Variants in NPAS3 observed in about 807,000 individuals in gnomAD.
NPAS3 encodes the protein neuronal PAS domain-containing protein 3.
In NPAS3, 14 loss-of-function variants were observed where a neutral mutation model predicts 73.1. The observed-to-expected ratio is 0.19, with a 90% confidence interval of 0.13 to 0.30. NPAS3 has a LOEUF of 0.30. NPAS3 is among the 10% of genes least tolerant of loss of function. The probability of loss-of-function intolerance (pLI) is 1.00; values close to 1 mark genes in which losing one functional copy is unlikely to be tolerated. For synonymous variants in NPAS3, 620 were observed against 541.5 expected (o/e 1.14, Z -2.01); for missense variants, 1,096 against 1,250.0 (o/e 0.88, Z 1.86).
intron 3 of NPAS3, among the ~76,000 whole-genome samples, chr14:33,239,049 G>A (rs188114436): frequency 6.6e-6 from 1 of 152,040 alleles, no homozygotes; most frequent in Admixed American, 6.6e-5. Flanking sequence ...GGCTTCGAGT[G>A]AGCTAAAATG....
At chr14:32,959,250 T>G (rs2036808289) in intron 1 of NPAS3, among the ~76,000 whole-genome samples, 1 of 152,210 alleles carries the variant, frequency 6.6e-6, no homozygotes, top group Admixed American at 6.5e-5. Context: ...AAACCTTTGC[T>G]TTGCTTCTTT....
intron 6 of NPAS3, among the ~76,000 whole-genome samples, chr14:33,714,789 G>C (rs1164816097): frequency 6.6e-6 from 1 of 152,016 alleles, no homozygotes; most frequent in Non-Finnish European, 1.5e-5. Flanking sequence ...TCCCATAACT[G>C]GCAGTGATGT....
chr14:33,283,367 GA>G (rs1270494370), intron 3 of NPAS3, among the ~76,000 whole-genome samples: 7 of 152,194 alleles, frequency 4.6e-5, no homozygotes, highest in African/African-American at 1.7e-4. Flanking sequence ...GAATTTCTAT[GA>G]TATAGGCGTT....
In NPAS3 at chr14:32,966,583, A is replaced by T. The variant is rs530359956; in HGVS notation, c.50+27217A>T. 1.3e-3 allele frequency among the ~76,000 whole-genome samples: 173 copies of T among 135,860 alleles called. 16 individuals carry two copies. Among genetic ancestry groups the T allele is most frequent in the Non-Finnish European group, 2.1e-3 (127 of 61,410 alleles). 89.1% of individuals were successfully genotyped at this position (135,860 alleles called of 152,430 possible). On this transcript the variant is annotated intron_variant, in intron 1 of 11. Coordinates refer to ENST00000356141, the Ensembl canonical transcript of NPAS3. Reference sequence around the variant, plus strand: ...ATTAAAGACTTACACGTAAGAACCCAAATTATGAAACCCCGTCTCTACTAA... The same window carrying T: ...ATTAAAGACTTACACGTAAGAACCCTAATTATGAAACCCCGTCTCTACTAA...
chr14:33,026,340 C>A (rs149074071), intron 1 of NPAS3, among the ~76,000 whole-genome samples: 44 of 152,258 alleles, frequency 2.9e-4, no homozygotes, highest in Non-Finnish European at 5.6e-4. Flanking sequence ...GTATGTTAAT[C>A]AACTGTTCTT....
At chr14:33,119,843 A>G (rs1187307475) in intron 2 of NPAS3, among the ~76,000 whole-genome samples, 2 of 152,128 alleles carry the variant, frequency 1.3e-5, no homozygotes, top group Non-Finnish European at 2.9e-5. Flanking sequence ...GTTCTGCTCT[A>G]GTTAGAGGGT....
chr14:33,221,601 G>A (rs187291058), intron 3 of NPAS3, among the ~76,000 whole-genome samples: 1 of 152,230 alleles, frequency 6.6e-6, no homozygotes, highest in East Asian at 1.9e-4. Context: ...CCTAGAGGGA[G>A]AGCTTGTCTC....
chr14:33,477,887 T>C (rs545971446), intron 4 of NPAS3, among the ~76,000 whole-genome samples: 2 of 152,346 alleles, frequency 1.3e-5, no homozygotes, highest in South Asian at 4.1e-4. Context: ...CTGTGGTCAT[T>C]ATCTTGGAAA....
intron 4 of NPAS3, among the ~76,000 whole-genome samples, chr14:33,474,078 C>G (rs1314213692): frequency 6.6e-6 from 1 of 152,060 alleles, no homozygotes; most frequent in Non-Finnish European, 1.5e-5. Context: ...ATCCTGCACC[C>G]CATAGGGAAC....
chr14:33,566,226 T>TCC (rs78749999), intron 5 of NPAS3, among the ~76,000 whole-genome samples: 2,033 of 151,172 alleles, frequency 0.013, 54 homozygotes, highest in African/African-American at 0.044. Flanking sequence ...AATTGATTTT[T>TCC]CCCCCCCGAA....
At chr14:33,555,285 T>A (rs2055302558) in intron 4 of NPAS3, among the ~76,000 whole-genome samples, 1 of 152,224 alleles carries the variant, frequency 6.6e-6, no homozygotes, top group Admixed American at 6.5e-5. Flanking sequence ...TTATAATAAA[T>A]CTTCTTGAGG....
chr14:33,231,434 T>G (rs1594458956), intron 3 of NPAS3, among the ~76,000 whole-genome samples: 1 of 152,184 alleles, frequency 6.6e-6, no homozygotes, highest in African/African-American at 2.4e-5. Context: ...CAGGAAAATA[T>G]TGGAGACACA....
chr14:33,800,464 C>T lies in NPAS3; in HGVS notation c.2157C>T (p.Pro719=), dbSNP rs747234419. 4 of 1,495,640 alleles carry T rather than the reference C, an allele frequency of 2.7e-6. No individual in the cohort carries two copies. The highest frequency in any genetic ancestry group is 5.1e-5 in the Admixed American group (2 of 39,476). 92.6% of individuals were successfully genotyped at this position (1,495,640 alleles called of 1,614,324 possible). A position where few individuals can be genotyped will look rare whatever the true frequency, so the allele number is the denominator to read the frequency against. ...TTCCCGACTCGGTCCTCACCCCGCC[C>T]GGCGCCGACGGCGCGGCCGCCCGCA... Residue 719 remains proline (P), a synonymous_variant, in exon 12 of 12, where the codon CCC becomes CCT. Transcript: ENST00000356141. The surrounding 1 kb of genome is among the most constrained non-coding windows in gnomAD (Gnocchi z 6.5).
intron 2 of NPAS3, among the ~76,000 whole-genome samples, chr14:33,165,984 G>A (rs2045125936): frequency 6.6e-6 from 1 of 152,264 alleles, no homozygotes; most frequent in Non-Finnish European, 1.5e-5. Flanking sequence ...CTTTAGCCAC[G>A]CTCACATATT....
At chr14:32,934,802 G>T, upstream of NPAS3, 1 of 254,540 alleles carries the variant, frequency 3.9e-6, no homozygotes, top group Non-Finnish European at 6.2e-6. This position sits in a 1 kb window ranked among gnomAD's most constrained non-coding sequence, Gnocchi z 4.1. Flanking sequence ...GCCCCCGCCA[G>T]CCAGAGCCCA....
intron 5 of NPAS3, among the ~76,000 whole-genome samples, chr14:33,668,236 C>A (rs1287691061): frequency 1.3e-5 from 2 of 152,182 alleles, no homozygotes; most frequent in Admixed American, 6.5e-5. Context: ...AACATTGTGA[C>A]TCAACTCCTG....
chr14:33,002,475 G>T lies in NPAS3; in HGVS notation c.51-53430G>T, dbSNP rs574487577. Among the ~76,000 whole-genome samples the T allele has an allele frequency of 2.6e-5, 4 of 152,296 alleles. No homozygotes were observed. The East Asian group carries it at 7.7e-4, about 29-fold the overall frequency. On this transcript the variant is annotated intron_variant, in intron 1 of 11. Transcript: ENST00000356141. ...ATGGTTGTTTGTAGGATCCTGTCAA[G>T]TTGCAAATAGACAAATACATGTTAG... is the stretch of plus-strand genomic sequence containing the variant.
chr14:33,065,237 A>ATAACTTC (rs1482463571), intron 2 of NPAS3, among the ~76,000 whole-genome samples: 2 of 152,176 alleles, frequency 1.3e-5, no homozygotes, highest in African/African-American at 4.8e-5. Context: ...GAACGAAGCT[A>ATAACTTC]GTGGTGAGAA....
intron 3 of NPAS3, among the ~76,000 whole-genome samples, chr14:33,279,850 C>A (rs2041515289): frequency 6.6e-6 from 1 of 152,030 alleles, no homozygotes; most frequent in African/African-American, 2.4e-5. Context: ...CACAAAATTG[C>A]CAGTATTTAA....
Sources: gnomAD v4.1 joint callset for allele counts (sites outside exome capture counted in the v4.1 genomes callset) on GRCh38, gnomAD v4.1.1 for gene constraint, Gnocchi (gnomAD v3.1) non-coding constraint, MANE v1.5 for transcripts, NCBI Gene and HGNC (gene_info 2026-07-23, HGNC 2026-07-21) for gene names.